The following CDH12 variants were observed in gnomAD, a reference collection of about 807,000 sequenced individuals.
CDH12 encodes the protein cadherin-12.
In CDH12, 41 loss-of-function variants were observed where a neutral mutation model predicts 74.1. That is an observed-to-expected ratio of 0.55 (90% confidence interval 0.43 to 0.72). The LOEUF (loss-of-function observed/expected upper bound fraction) is 0.72, where lower values mean the gene tolerates loss of function less well. Among genes scored for constraint, CDH12 ranks in the 30% least tolerant of loss-of-function variants. The pLI, the probability that CDH12 is intolerant of heterozygous loss-of-function variation, is 0.00. For missense variants in CDH12, 945 were observed against 977.2 expected (o/e 0.97, Z 0.44); for synonymous variants, 399 against 355.0 (o/e 1.12, Z -1.39).
intron 3 of CDH12, among the ~76,000 whole-genome samples, chr5:22,306,572 T>C (rs1738124804): frequency 6.6e-6 from 1 of 152,102 alleles, no homozygotes; most frequent in Non-Finnish European, 1.5e-5. Flanking sequence ...ATATGCAAAA[T>C]GTAGCTAATG....
intron 1 of CDH12, among the ~76,000 whole-genome samples, chr5:22,616,838 C>A (rs1057512257): frequency 6.6e-6 from 1 of 151,844 alleles, no homozygotes. Context: ...GAAGGCAGAG[C>A]CTTTGTGAAT....
chr5:22,342,136 C>T (rs1739879670), intron 3 of CDH12, among the ~76,000 whole-genome samples: 1 of 151,986 alleles, frequency 6.6e-6, no homozygotes, highest in African/African-American at 2.4e-5. Context: ...GGCATTAATC[C>T]CATTATGAGG....
At chr5:22,309,486 G>A (rs1738284794) in intron 3 of CDH12, among the ~76,000 whole-genome samples, 1 of 152,050 alleles carries the variant, frequency 6.6e-6, no homozygotes, top group Non-Finnish European at 1.5e-5. Context: ...AATTAATGAT[G>A]TAGAACATGA....
intron 3 of CDH12, among the ~76,000 whole-genome samples, chr5:22,273,727 G>A (rs1736505386): frequency 6.6e-6 from 1 of 152,062 alleles, no homozygotes; most frequent in African/African-American, 2.4e-5. Flanking sequence ...CTTTGATTTT[G>A]GTGGGATTAT....
intron 2 of CDH12, among the ~76,000 whole-genome samples, chr5:22,424,020 A>AG: frequency 6.7e-6 from 1 of 149,728 alleles, no homozygotes; most frequent in Middle Eastern, 3.4e-3. Flanking sequence ...AAAAAAAAAA[A>AG]AAAAAAAGAA....
At chr5:22,031,090 T>A (rs191039068) in intron 5 of CDH12, among the ~76,000 whole-genome samples, 15 of 152,206 alleles carry the variant, frequency 9.9e-5, no homozygotes, top group African/African-American at 3.1e-4. Context: ...ATCCCAGCAC[T>A]TTAGGAGGCC....
intron 3 of CDH12, among the ~76,000 whole-genome samples, chr5:22,347,342 C>A (rs75314169): frequency 1.6e-4 from 25 of 152,186 alleles, no homozygotes; most frequent in Admixed American, 1.6e-3. Flanking sequence ...GGCTAAGTCT[C>A]TGGCTTTCAT....
chr5:22,248,238 G>C (rs1753024866), intron 3 of CDH12, among the ~76,000 whole-genome samples: 4 of 152,148 alleles, frequency 2.6e-5, no homozygotes, highest in Admixed American at 1.3e-4. Flanking sequence ...GGCGGAGGTT[G>C]CAGTGAGCCC....
chr5:21,826,868 C>G (rs2149960362), intron 8 of CDH12, among the ~76,000 whole-genome samples: 1 of 152,146 alleles, frequency 6.6e-6, no homozygotes, highest in Non-Finnish European at 1.5e-5. Flanking sequence ...ACTGTAACTT[C>G]CAGTCAGTTA....
At chr5:22,169,158 T>C (rs1748869605) in intron 4 of CDH12, among the ~76,000 whole-genome samples, 1 of 151,904 alleles carries the variant, frequency 6.6e-6, no homozygotes, top group Admixed American at 6.6e-5. Flanking sequence ...TGCCTCTCAA[T>C]TTCTCTCTAC....
chr5:22,732,041 T>C (rs949910012), intron 1 of CDH12, among the ~76,000 whole-genome samples: 2 of 151,830 alleles, frequency 1.3e-5, no homozygotes, highest in Admixed American at 6.6e-5. Context: ...TGAAGTCTTC[T>C]TCTGTTTGCT....
intron 7 of CDH12, among the ~76,000 whole-genome samples, chr5:21,847,517 C>G (rs1750238458): frequency 6.6e-6 from 1 of 152,030 alleles, no homozygotes; most frequent in Non-Finnish European, 1.5e-5. Context: ...CTCCCTGGCT[C>G]CTGACCTCCT....
intron 2 of CDH12, among the ~76,000 whole-genome samples, chr5:22,493,920 G>A (rs766076447): frequency 1.3e-5 from 2 of 152,108 alleles, no homozygotes; most frequent in Non-Finnish European, 2.9e-5. Context: ...TCTGACACAG[G>A]TTCTAGGATG....
At chr5:21,926,823 A>G (rs1754604188) in intron 6 of CDH12, among the ~76,000 whole-genome samples, 1 of 152,170 alleles carries the variant, frequency 6.6e-6, no homozygotes, top group South Asian at 2.1e-4. Context: ...GTACAACAAT[A>G]GAGGTGATGG....
At chr5:22,472,931 T>G (rs2126608566) in intron 2 of CDH12, among the ~76,000 whole-genome samples, 1 of 152,272 alleles carries the variant, frequency 6.6e-6, no homozygotes, top group South Asian at 2.1e-4. Context: ...CTTCAATAAC[T>G]TTCCATTTTA....
At chr5:22,452,072 A>G (rs920595133) in intron 2 of CDH12, among the ~76,000 whole-genome samples, 3 of 151,940 alleles carry the variant, frequency 2.0e-5, no homozygotes, top group Non-Finnish European at 4.4e-5. Context: ...ATAAATTGAA[A>G]AGGACACAAA....
chr5:22,293,513 C>T (rs1009510387), intron 3 of CDH12, among the ~76,000 whole-genome samples: 5 of 152,096 alleles, frequency 3.3e-5, no homozygotes, highest in African/African-American at 1.2e-4. Flanking sequence ...GAGATTTCTG[C>T]ACTCTCATTT....
intron 1 of CDH12, chr5:22,580,228 T>C: frequency 3.3e-5 from 10 of 305,834 alleles, no homozygotes; most frequent in South Asian, 2.9e-4. Flanking sequence ...TAATGGTCAA[T>C]CTTCTAACAT....
At chr5:22,328,979 G>A (rs2968265) in intron 3 of CDH12, among the ~76,000 whole-genome samples, 8,583 of 152,174 alleles carry the variant, frequency 0.056, 546 homozygotes, top group African/African-American at 0.15. Flanking sequence ...GTAAAAAACA[G>A]AACAAACTTA....
Sources: allele counts gnomAD v4.1 joint callset (sites outside exome capture counted in the v4.1 genomes callset), GRCh38; gene constraint gnomAD v4.1.1; transcripts MANE v1.5; gene names NCBI Gene and HGNC (gene_info 2026-07-23, HGNC 2026-07-21).